The following DLG2 variants were observed in gnomAD, a reference collection of about 807,000 sequenced individuals.
DLG2 encodes the protein discs large MAGUK scaffold protein 2, also known as disks large homolog 2.
A neutral mutation model predicts 132.5 loss-of-function variants in DLG2; 45 were observed. The ratio of observed to expected loss-of-function variants is 0.34; its 90% CI spans 0.27 to 0.44. DLG2 has a LOEUF of 0.44. Ranked by LOEUF, DLG2 falls within the 20% of genes least tolerant of loss-of-function variation. The probability of loss-of-function intolerance (pLI) is 1.00; values close to 1 mark genes in which losing one functional copy is unlikely to be tolerated. For missense variants in DLG2, 1,045 were observed against 1,196.9 expected (o/e 0.87, Z 1.87); for synonymous variants, 424 against 419.6 (o/e 1.01, Z -0.13).
At position 85,320,059 on chromosome 11, in the gene DLG2, T is replaced by C. The variant is rs567473863; in HGVS notation, c.41-34694A>G. Among the ~76,000 whole-genome samples the C allele has an allele frequency of 2.0e-5, 3 of 151,968 alleles. No individual in the cohort carries two copies. In the East Asian group the frequency reaches 5.8e-4, roughly 29 times the overall value. ...AACCATGCTCTTTGAGCCTCTCATA[T>C]ATTTTCTAGATGCCTGAACTAAGCC... On this transcript the variant is annotated intron_variant, in intron 3 of 27. Coordinates refer to ENST00000376104, the MANE Select transcript of DLG2 (RefSeq NM_001142699.3).
chr11:83,896,828 G>C (rs1484891483), intron 15 of DLG2, among the ~76,000 whole-genome samples: 1 of 152,036 alleles, frequency 6.6e-6, no homozygotes, highest in African/African-American at 2.4e-5. Flanking sequence ...AATGGGTGAA[G>C]TTTATTGTAT....
intron 18 of DLG2, among the ~76,000 whole-genome samples, chr11:83,655,156 T>C (rs2153529065): frequency 6.6e-6 from 1 of 152,328 alleles, no homozygotes; most frequent in Admixed American, 6.5e-5. Context: ...CTGTGACTCA[T>C]TACTAAAGAC....
rs2057023542 is a variant in DLG2, at chr11:84,990,883, G to A, written c.357+120778C>T. Among the ~76,000 whole-genome samples, 3 of 151,974 alleles carry A rather than the reference G, an allele frequency of 2.0e-5. 1 individual carries two copies. The South Asian group carries it at 6.2e-4, about 32-fold the overall frequency. On this transcript the variant is annotated intron_variant, in intron 6 of 27. Coordinates refer to ENST00000376104, the MANE Select transcript of DLG2 (RefSeq NM_001142699.3). ...TTGCACTCCTGGTTATTTATCCCAG[G>A]TAAATGAAAACCTATATTCACACAG...
At chr11:85,288,421 A>G (rs1199218739) in intron 3 of DLG2, among the ~76,000 whole-genome samples, 1 of 152,100 alleles carries the variant, frequency 6.6e-6, no homozygotes, top group African/African-American at 2.4e-5. Context: ...TGGGTGGACA[A>G]AAATCAGAGA....
At chr11:85,235,602 G>A (rs1263413228) in intron 4 of DLG2, among the ~76,000 whole-genome samples, 2 of 151,932 alleles carry the variant, frequency 1.3e-5, no homozygotes, top group East Asian at 3.9e-4. Flanking sequence ...AGAATTACAT[G>A]TAGAATGAAA....
chr11:84,833,793 A>T (rs934363210), intron 6 of DLG2, among the ~76,000 whole-genome samples: 5 of 151,686 alleles, frequency 3.3e-5, no homozygotes, highest in African/African-American at 7.3e-5. Context: ...GGCAATAAAA[A>T]CTATTGTTTT....
chr11:83,904,085 C>T (rs1291714496), intron 15 of DLG2, among the ~76,000 whole-genome samples: 1 of 152,154 alleles, frequency 6.6e-6, no homozygotes. Context: ...TGATCACAAG[C>T]ACTGCAATAC....
At chr11:84,243,052 T>A (rs1440449397) in intron 8 of DLG2, among the ~76,000 whole-genome samples, 1 of 150,832 alleles carries the variant, frequency 6.6e-6, no homozygotes, top group African/African-American at 2.4e-5. Context: ...CTCTCACATA[T>A]AAAGAACCTA....
intron 7 of DLG2, among the ~76,000 whole-genome samples, chr11:84,358,228 G>T (rs2098629283): frequency 6.6e-6 from 1 of 151,884 alleles, no homozygotes; most frequent in Admixed American, 6.6e-5. Context: ...CTTGATAAAA[G>T]CTGACTGTGG....
intron 22 of DLG2, among the ~76,000 whole-genome samples, chr11:83,474,780 G>A (rs2092449535): frequency 6.6e-6 from 1 of 151,632 alleles, no homozygotes; most frequent in African/African-American, 2.4e-5. Flanking sequence ...ATTTAACTTT[G>A]GAAAGCATCG....
chr11:84,695,057 T>A (rs1287595065), intron 6 of DLG2, among the ~76,000 whole-genome samples: 1 of 151,542 alleles, frequency 6.6e-6, no homozygotes, highest in Non-Finnish European at 1.5e-5. Flanking sequence ...AAAGCTTCTA[T>A]AAGATTAAAA....
intron 3 of DLG2, among the ~76,000 whole-genome samples, chr11:85,468,469 A>G (rs2092876807): frequency 6.6e-6 from 1 of 152,178 alleles, no homozygotes; most frequent in Non-Finnish European, 1.5e-5. Context: ...ATTTCCCTCT[A>G]CACACTGCTT....
intron 14 of DLG2, among the ~76,000 whole-genome samples, chr11:83,940,522 T>C (rs553820631): frequency 1.3e-5 from 2 of 152,296 alleles, no homozygotes; most frequent in South Asian, 2.1e-4. Flanking sequence ...CCTCCTCACA[T>C]ACCTGACTTG....
At chr11:83,536,692 G>T (rs941795226) in intron 20 of DLG2, among the ~76,000 whole-genome samples, 1 of 152,156 alleles carries the variant, frequency 6.6e-6, no homozygotes. Flanking sequence ...TAATCCAGGG[G>T]TTGACATGAG....
rs75355764 is a variant in DLG2 at position 85,517,835 on chromosome 11, G to A, written c.40+80822C>T. 3.3e-5 allele frequency among the ~76,000 whole-genome samples: 5 copies of A among 152,264 alleles called. No individual in the cohort carries two copies. The South Asian group carries it at 1.0e-3, about 32-fold the overall frequency. On this transcript the variant is annotated intron_variant, in intron 3 of 27. Coordinates refer to ENST00000376104, the MANE Select transcript of DLG2 (RefSeq NM_001142699.3). ...ACGTGTTGTGGGATGGACCCAGTGG[G>A]AGATAACTGAATCATGGAGGCAGGT...
chr11:84,454,868 G>A (rs939501823), intron 7 of DLG2, among the ~76,000 whole-genome samples: 1 of 151,382 alleles, frequency 6.6e-6, no homozygotes, highest in Non-Finnish European at 1.5e-5. Context: ...GAGCAAAAGG[G>A]AACTTTAGGG....
intron 6 of DLG2, among the ~76,000 whole-genome samples, chr11:85,060,459 GTGTGTGTGTATA>G (rs1283919282): frequency 6.7e-6 from 1 of 150,018 alleles, no homozygotes; most frequent in Non-Finnish European, 1.5e-5. Context: ...ATGCATATGT[GTGTGTGTGTATA>G]TATATGTGTA....
rs531890998 is a variant in DLG2 at position 84,337,657 on chromosome 11, G to T, written c.520-86366C>A. On this transcript the variant is annotated intron_variant, in intron 7 of 27. Transcript: ENST00000376104. ...AATGACTATATAATTTGGTACCTCT[G>T]ACTAGGTCTCCCATCTCTGATAGTG... Among the ~76,000 whole-genome samples the T allele has an allele frequency of 2.6e-5, 4 of 152,144 alleles. No homozygotes were observed. In the South Asian group the frequency reaches 8.3e-4, roughly 32 times the overall value.
chr11:84,644,162 G>A (rs757241070), intron 6 of DLG2, among the ~76,000 whole-genome samples: 34 of 152,076 alleles, frequency 2.2e-4, no homozygotes, highest in Non-Finnish European at 4.7e-4. Context: ...TTTTCCCGGG[G>A]GCTGAGATGG....
Sources: allele counts gnomAD v4.1 joint callset (sites outside exome capture counted in the v4.1 genomes callset), GRCh38; gene constraint gnomAD v4.1.1; transcripts MANE v1.5; gene names NCBI Gene and HGNC (gene_info 2026-07-23, HGNC 2026-07-21).